The following DNAJA4 variants were observed in gnomAD, a reference collection of about 807,000 sequenced individuals.
DNAJA4 encodes dnaJ homolog subfamily A member 4.
In DNAJA4, 32 loss-of-function variants were observed where a neutral mutation model predicts 39.7. That is an observed-to-expected ratio of 0.81 (90% CI 0.61 to 1.08). The LOEUF (loss-of-function observed/expected upper bound fraction) is 1.08. Among genes scored for constraint, DNAJA4 ranks in the 50% least tolerant of loss-of-function variants. The probability of loss-of-function intolerance (pLI) is 0.00; values close to 1 mark genes in which losing one functional copy is unlikely to be tolerated. For missense variants in DNAJA4, 439 were observed against 505.1 expected, an observed-to-expected ratio of 0.87 and a Z score of 1.25; for synonymous variants, 184 against 182.4, an observed-to-expected ratio of 1.01 and a Z score of -0.07.
Position 78,264,708 on chromosome 15 carries a change from G to C in DNAJA4, c.-56G>C, listed in dbSNP as rs1253920704. 7.3e-7 allele frequency: 1 copy of C among 1,365,542 alleles called. No individual in the cohort carries two copies. 84.6% of individuals were successfully genotyped at this position (1,365,542 alleles called of 1,614,324 possible). A position where few individuals can be genotyped will look rare whatever the true frequency, so the allele number is the denominator to read the frequency against. ...GCCAGGGGCGCGGGCCAGGGTGCCG[G>C]CAGGGGCGTCCGGGGCGCTCTGACC... is the stretch of plus-strand genomic sequence containing the variant. On this transcript the variant is annotated 5_prime_UTR_variant, in exon 1 of 7. Coordinates refer to ENST00000394852, the MANE Select transcript of DNAJA4 (RefSeq NM_001130182.2).
At chr15:78,274,613 G>T in intron 4 of DNAJA4, 189 bp downstream of exon 4, 1 of 614,506 alleles carries the variant, frequency 1.6e-6, no homozygotes, top group Non-Finnish European at 2.9e-6. Context: ...CATGTCACCT[G>T]CCAAAGTGTT....
At chr15:78,265,262 T>G (rs2049090218) in intron 1 of DNAJA4, among the ~76,000 whole-genome samples, 1 of 152,224 alleles carries the variant, frequency 6.6e-6, no homozygotes, top group South Asian at 2.1e-4. Flanking sequence ...ATCGGGAAAC[T>G]GAGGCACACA....
chr15:78,267,120 C>T (rs1330240120), intron 1 of DNAJA4, among the ~76,000 whole-genome samples: 3 of 84,276 alleles, frequency 3.6e-5, no homozygotes, highest in African/African-American at 1.2e-4. Flanking sequence ...ACTGTGCAGG[C>T]CTTTTGTGAG....
At position 78,264,977 on chromosome 15, in the gene DNAJA4, C is replaced by T. The variant is rs960495588; in HGVS notation, c.132+82C>T. 6 of 1,404,242 alleles carry T rather than the reference C, an allele frequency of 4.3e-6. No homozygotes were observed. In the East Asian group the frequency reaches 1.2e-4, roughly 28 times the overall value. The allele number at this position is 1,404,242 out of a possible 1,614,324, so 87.0% of individuals were successfully genotyped here. A position where few individuals can be genotyped will look rare whatever the true frequency, so the allele number is the denominator to read the frequency against. On this transcript the variant is annotated intron_variant, in intron 1 of 6. Coordinates refer to ENST00000394852, the MANE Select transcript of DNAJA4 (RefSeq NM_001130182.2). ...CAGGAGCATTGAAGGCGACGGGAAA[C>T]CTGAGCCGCGTTTGTTGGGGAGGCT... is the stretch of plus-strand genomic sequence containing the variant.
At position 78,270,744 on chromosome 15, in the gene DNAJA4, A is replaced by G. The variant is rs1200200883; in HGVS notation, c.313+67A>G. 3.9e-6 allele frequency: 6 copies of G among 1,528,006 alleles called. No homozygotes were observed. The African/African-American group carries it at 6.9e-5, about 18-fold the overall frequency. The allele number at this position is 1,528,006 out of a possible 1,614,324, so 94.7% of individuals were successfully genotyped here. ...CACAATTATACGTGTTGTTGGAATC[A>G]GGATAGATCATGCTTTAAAAGGATA... On this transcript the variant is annotated intron_variant, in intron 2 of 6. Coordinates refer to ENST00000394852, the MANE Select transcript of DNAJA4 (RefSeq NM_001130182.2).
At chr15:78,271,831 G>A (rs1345978992) in intron 2 of DNAJA4, among the ~76,000 whole-genome samples, 1 of 152,164 alleles carries the variant, frequency 6.6e-6, no homozygotes, top group Non-Finnish European at 1.5e-5. Flanking sequence ...TACAATTCTG[G>A]ATAAAGTCAG....
intron 2 of DNAJA4, among the ~76,000 whole-genome samples, chr15:78,271,173 T>C (rs1450035837): frequency 6.6e-6 from 1 of 152,228 alleles, no homozygotes. Flanking sequence ...TTGGTAAATT[T>C]AGTAATTATC....
intron 5 of DNAJA4, chr15:78,278,242 C>T: frequency 2.2e-6 from 1 of 456,056 alleles, no homozygotes; most frequent in Non-Finnish European, 4.4e-6. Flanking sequence ...TTTCCCAGCT[C>T]CCAGCAAGCT....
chr15:78,270,793 CATGTCT>C, intron 2 of DNAJA4, 116 bp downstream of exon 2: 1 of 1,162,574 alleles, frequency 8.6e-7, no homozygotes, highest in Non-Finnish European at 1.2e-6. Context: ...CGCGGTGGTT[CATGTCT>C]GTAATTTCAG....
At chr15:78,270,764 AGGATATGATT>A in intron 2 of DNAJA4, 87 bp downstream of exon 2, 1 of 1,438,750 alleles carries the variant, frequency 7.0e-7, no homozygotes, top group East Asian at 2.3e-5. Context: ...ATGCTTTAAA[AGGATATGATT>A]GGGCCAGGCG....
At chr15:78,272,286 A>G (rs941505274) in intron 2 of DNAJA4, among the ~76,000 whole-genome samples, 13 of 152,184 alleles carry the variant, frequency 8.5e-5, no homozygotes, top group East Asian at 1.9e-4. Flanking sequence ...GCAGTGAGCC[A>G]AGATCGCACC....
chr15:78,277,586 C>T (rs2049506142), intron 5 of DNAJA4, among the ~76,000 whole-genome samples: 1 of 152,160 alleles, frequency 6.6e-6, no homozygotes, highest in Non-Finnish European at 1.5e-5. Context: ...GCATTGTGTC[C>T]AAGATGCCCT....
chr15:78,274,101 A>G, intron 3 of DNAJA4, 96 bp from the exon 4 acceptor site: 3 of 1,050,840 alleles, frequency 2.9e-6, no homozygotes, highest in South Asian at 1.6e-5. Flanking sequence ...CCCATTGTCC[A>G]ATGTGAGGGT....
At chr15:78,273,307 G>C in intron 3 of DNAJA4, 108 bp downstream of exon 3, 1 of 732,712 alleles carries the variant, frequency 1.4e-6, no homozygotes, top group Non-Finnish European at 2.3e-6. Flanking sequence ...CAAATGCAAG[G>C]GTCAAGCAGA....
chr15:78,279,678 G>A lies in DNAJA4; in HGVS notation c.878-367G>A, dbSNP rs2049595506. 3.8e-6 allele frequency: 1 copy of A among 260,428 alleles called. No individual in the cohort carries two copies. Among genetic ancestry groups the A allele is most frequent in the Admixed American group, 5.0e-5 (1 of 20,044 alleles). The allele number at this position is 260,428 out of a possible 1,614,324, so 16.1% of individuals were successfully genotyped here. A position where few individuals can be genotyped will look rare whatever the true frequency, so the allele number is the denominator to read the frequency against. ...GGGGAGCACTCCTGTCCCCCTCGTG[G>A]TAGGGATACCTGTCACCCCACAAAG... On this transcript the variant is annotated intron_variant, in intron 5 of 6. Transcript: ENST00000394852. This position sits in a 1 kb window ranked among gnomAD's most constrained non-coding sequence, Gnocchi z 4.5.
At chr15:78,277,543 C>T (rs1481152721) in intron 5 of DNAJA4, among the ~76,000 whole-genome samples, 1 of 152,222 alleles carries the variant, frequency 6.6e-6, no homozygotes, top group African/African-American at 2.4e-5. Flanking sequence ...TTACACGAAG[C>T]TCCAGACCAC....
rs1374629780 is a variant in DNAJA4 at position 78,274,329 on chromosome 15, AG to A, written c.554del (p.Gly185ValfsTer18). 6.2e-7 allele frequency: 1 copy of A among 1,614,228 alleles called. No individual in the cohort carries two copies. Among genetic ancestry groups the A allele is most frequent in the Non-Finnish European group, 8.5e-7 (1 of 1,180,042 alleles). ...ACCGTGTGCATCGAGTGCAAGGGCC[AG>A]GGTGAGCGCATCAACCCCAAGGACC... ...IQTVCIECKG[Q>X]GERINPKDRC... On this transcript the variant is annotated frameshift_variant, in exon 4 of 7. Coordinates refer to ENST00000394852, the MANE Select transcript of DNAJA4 (RefSeq NM_001130182.2). LOFTEE classifies it high-confidence loss of function.
At chr15:78,266,010 C>T in intron 1 of DNAJA4, 1 of 586,654 alleles carries the variant, frequency 1.7e-6, no homozygotes, top group Non-Finnish European at 3.0e-6. Flanking sequence ...CTGAATGTGG[C>T]TGTCACAAGT....
chr15:78,274,181 T>C lies in DNAJA4; in HGVS notation c.419-16T>C, dbSNP rs1162740114. The C allele has an allele frequency of 9.3e-6, 15 of 1,609,048 alleles. No homozygotes were observed. The highest frequency in any genetic ancestry group is 1.1e-5 in the South Asian group (1 of 90,562). ...GAAGAGCATGGCCCTCATTCCTGCCTCCCCTGACCCTGCAGGTGTTGGTGG... is the reference window on the plus strand; with the variant it reads ...GAAGAGCATGGCCCTCATTCCTGCCCCCCCTGACCCTGCAGGTGTTGGTGG... On this transcript the variant is annotated splice_polypyrimidine_tract_variant and intron_variant, in intron 3 of 6. Coordinates refer to ENST00000394852, the MANE Select transcript of DNAJA4 (RefSeq NM_001130182.2).
Sources: allele counts gnomAD v4.1 joint callset (sites outside exome capture counted in the v4.1 genomes callset), GRCh38; gene constraint gnomAD v4.1.1; non-coding constraint Gnocchi (gnomAD v3.1); transcripts MANE v1.5; gene names NCBI Gene and HGNC (gene_info 2026-07-23, HGNC 2026-07-21).